MICU1: variants seen among roughly 807,000 people sequenced by gnomAD.
MICU1 encodes the protein calcium uptake protein 1, mitochondrial.
A neutral mutation model predicts 56.8 loss-of-function variants in MICU1; 45 were observed. That is an observed-to-expected ratio of 0.79 (90% CI 0.62 to 1.02). The LOEUF (loss-of-function observed/expected upper bound fraction) is 1.02, where lower values mean the gene tolerates loss of function less well. Ranked by LOEUF, MICU1 falls within the 50% of genes least tolerant of loss-of-function variation. The pLI is 0.00. For missense variants in MICU1, 504 were observed against 587.1 expected, an observed-to-expected ratio of 0.86 and a Z score of 1.46; for synonymous variants, 186 against 195.1, an observed-to-expected ratio of 0.95 and a Z score of 0.39.
intron 3 of MICU1, among the ~76,000 whole-genome samples, chr10:72,558,046 A>T (rs1171261965): frequency 6.6e-6 from 1 of 152,276 alleles, no homozygotes; most frequent in Non-Finnish European, 1.5e-5. Flanking sequence ...AATAGCTCAG[A>T]AACAACAATG....
chr10:72,423,799 T>C (rs74398097), intron 8 of MICU1, among the ~76,000 whole-genome samples: 5,806 of 152,284 alleles, frequency 0.038, 382 homozygotes, highest in African/African-American at 0.13. Flanking sequence ...TTAAAGATAA[T>C]AATATTGATT....
intron 1 of MICU1, among the ~76,000 whole-genome samples, chr10:72,602,179 C>T (rs534713013): frequency 4.0e-5 from 6 of 151,540 alleles, no homozygotes; most frequent in African/African-American, 7.3e-5. Flanking sequence ...AGGCCAGGCA[C>T]GGTGGCTCTC....
chr10:72,417,845 C>T (rs1381462380), intron 9 of MICU1, among the ~76,000 whole-genome samples: 2 of 152,156 alleles, frequency 1.3e-5, no homozygotes, highest in East Asian at 3.8e-4. Context: ...ATTAGATTTA[C>T]CTGGGGACCC....
intron 10 of MICU1, among the ~76,000 whole-genome samples, chr10:72,385,237 TC>T (rs530674383): frequency 3.9e-5 from 6 of 152,064 alleles, no homozygotes; most frequent in East Asian, 3.9e-4. Flanking sequence ...CGTCTATAAA[TC>T]CAACACTTTG....
chr10:72,499,874 CT>C (rs1443485411), intron 6 of MICU1, among the ~76,000 whole-genome samples: 1 of 152,116 alleles, frequency 6.6e-6, no homozygotes, highest in Non-Finnish European at 1.5e-5. Flanking sequence ...GTCACATACA[CT>C]TTGTGATCTG....
intron 8 of MICU1, among the ~76,000 whole-genome samples, chr10:72,467,157 T>C (rs1388816431): frequency 6.6e-6 from 1 of 151,506 alleles, no homozygotes; most frequent in African/African-American, 2.4e-5. Context: ...TGCCACCACG[T>C]CTGACTAATT....
At chr10:72,593,326 G>T (rs992219066) in intron 1 of MICU1, among the ~76,000 whole-genome samples, 1 of 151,980 alleles carries the variant, frequency 6.6e-6, no homozygotes, top group Admixed American at 6.6e-5. Flanking sequence ...GCAGCCAGGC[G>T]TGGTGGCACA....
intron 6 of MICU1, among the ~76,000 whole-genome samples, chr10:72,494,139 G>A (rs1866758234): frequency 6.6e-6 from 1 of 152,034 alleles, no homozygotes; most frequent in South Asian, 2.1e-4. Context: ...TACAGTTTTG[G>A]GGAATGTGCA....
chr10:72,534,361 G>C (rs551060307), intron 4 of MICU1, among the ~76,000 whole-genome samples: 1 of 152,236 alleles, frequency 6.6e-6, no homozygotes, highest in East Asian at 1.9e-4. Flanking sequence ...GTGGCATTGA[G>C]GGCAGGGATA....
At chr10:72,399,584 T>G (rs949686711) in intron 10 of MICU1, among the ~76,000 whole-genome samples, 104 of 151,866 alleles carry the variant, frequency 6.8e-4, no homozygotes, top group African/African-American at 2.3e-3. Context: ...AGGCAGAGAT[T>G]GCAGGGGGCT....
intron 8 of MICU1, among the ~76,000 whole-genome samples, chr10:72,470,147 A>G (rs1405639246): frequency 1.3e-5 from 2 of 152,190 alleles, no homozygotes; most frequent in African/African-American, 2.4e-5. Flanking sequence ...AGGCTCTGAG[A>G]GAATAACTAA....
chr10:72,623,593 T>G (rs1842162506), intron 1 of MICU1, among the ~76,000 whole-genome samples: 1 of 151,564 alleles, frequency 6.6e-6, no homozygotes, highest in African/African-American at 2.4e-5. Flanking sequence ...AATCCCAGCA[T>G]TTTGGGAGGC....
intron 5 of MICU1, among the ~76,000 whole-genome samples, chr10:72,519,935 C>G (rs1211450354): frequency 3.3e-5 from 5 of 152,090 alleles, no homozygotes; most frequent in Non-Finnish European, 7.4e-5. Flanking sequence ...TGATGAAGAA[C>G]ACAGCTTTAC....
intron 5 of MICU1, among the ~76,000 whole-genome samples, chr10:72,528,383 A>T (rs1404456083): frequency 6.6e-6 from 1 of 152,244 alleles, no homozygotes; most frequent in African/African-American, 2.4e-5. Context: ...GGGCAAATGA[A>T]AACACAGATA....
At chr10:72,624,468 A>C (rs1842182544) in intron 1 of MICU1, among the ~76,000 whole-genome samples, 1 of 152,196 alleles carries the variant, frequency 6.6e-6, no homozygotes, top group African/African-American at 2.4e-5. Flanking sequence ...CTGAGACACC[A>C]CACCCAGCCT....
chr10:72,497,365 G>A (rs1866881350), intron 6 of MICU1, among the ~76,000 whole-genome samples: 1 of 151,992 alleles, frequency 6.6e-6, no homozygotes, highest in Admixed American at 6.6e-5. Context: ...GCCCAAATAA[G>A]CATCTTTATA....
intron 5 of MICU1, among the ~76,000 whole-genome samples, chr10:72,525,959 T>G (rs1290420680): frequency 6.6e-6 from 1 of 152,176 alleles, no homozygotes; most frequent in East Asian, 1.9e-4. Context: ...ACTATGTTTT[T>G]CATACCAATT....
chr10:72,551,371 A>C, intron 3 of MICU1, 30 bp from the exon 4 acceptor site: 2 of 1,528,806 alleles, frequency 1.3e-6, no homozygotes, highest in South Asian at 2.4e-5. Context: ...AAGTGTTACT[A>C]TATTAAGCAA....
chr10:72,414,106 G>A (rs10823921), intron 9 of MICU1, among the ~76,000 whole-genome samples: 67,304 of 151,990 alleles, frequency 0.44, 18,758 homozygotes, highest in Non-Finnish European at 0.64. Context: ...ATACAACCCA[G>A]GTATTTCACT....
Sources: allele counts gnomAD v4.1 joint callset (sites outside exome capture counted in the v4.1 genomes callset), GRCh38; gene constraint gnomAD v4.1.1; transcripts MANE v1.5; gene names NCBI Gene and HGNC (gene_info 2026-07-23, HGNC 2026-07-21).